The following GATAD1 variants were observed in gnomAD, a reference collection of about 807,000 sequenced individuals.
The protein encoded by GATAD1 is GATA zinc finger domain-containing protein 1.
A neutral mutation model predicts 26.5 loss-of-function variants in GATAD1; 12 were observed. That is an observed-to-expected ratio of 0.45 (90% CI 0.29 to 0.73). The LOEUF (loss-of-function observed/expected upper bound fraction) is 0.73. GATAD1 is among the 30% of genes least tolerant of loss of function. GATAD1 has a pLI of 0.10. For synonymous variants in GATAD1, 129 were observed against 133.1 expected (o/e 0.97, Z 0.21); for missense variants, 266 against 342.1 (o/e 0.78, Z 1.75).
At chr7:92,451,071 C>T (rs1024983723) in intron 3 of GATAD1, among the ~76,000 whole-genome samples, 4 of 151,956 alleles carry the variant, frequency 2.6e-5, no homozygotes, top group East Asian at 3.9e-4. Context: ...AAGACTGAGC[C>T]GTTAGTGCGA....
the GATAD1 span, among the ~76,000 whole-genome samples, chr7:92,482,835 T>TG: frequency 1.3e-5 from 2 of 151,148 alleles, no homozygotes; most frequent in African/African-American, 4.9e-5. Flanking sequence ...GGCACCAGAG[T>TG]GGGGGAGTTT....
At chr7:92,495,479 T>C in the GATAD1 span, among the ~76,000 whole-genome samples, 5 of 152,222 alleles carry the variant, frequency 3.3e-5, no homozygotes, top group Non-Finnish European at 7.3e-5. Flanking sequence ...CTTTAACTTT[T>C]CTAACTCAAT....
chr7:92,469,464 G>A, the GATAD1 span: 2 of 768,086 alleles, frequency 2.6e-6, no homozygotes, highest in South Asian at 1.4e-5. Flanking sequence ...TGACATAACT[G>A]TATAAATCTT....
At chr7:92,492,815 C>G in the GATAD1 span, 3 of 726,800 alleles carry the variant, frequency 4.1e-6, no homozygotes, top group Non-Finnish European at 7.5e-6. Context: ...ATGGAACATT[C>G]AACTAAAGGT....
intron 1 of GATAD1, among the ~76,000 whole-genome samples, chr7:92,448,319 T>C (rs1423809185): frequency 1.3e-5 from 2 of 152,230 alleles, no homozygotes; most frequent in Non-Finnish European, 2.9e-5. Context: ...GAAGTAAGAT[T>C]ATTATGTCAT....
At chr7:92,460,124 T>C (rs1427989288), downstream of GATAD1, among the ~76,000 whole-genome samples, 1 of 152,024 alleles carries the variant, frequency 6.6e-6, no homozygotes, top group African/African-American at 2.4e-5. Context: ...CCAGGCCTAA[T>C]AAGTTTTCCA....
the GATAD1 span, chr7:92,491,418 C>T: frequency 1.2e-6 from 2 of 1,613,700 alleles, no homozygotes; most frequent in Non-Finnish European, 1.7e-6. Flanking sequence ...TCTCCATCTC[C>T]AGCTGAATCG....
rs1789201000 is a variant in GATAD1 at position 92,447,558 on chromosome 7, C to T, written c.-172C>T. The T allele has an allele frequency of 2.3e-5, 19 of 839,642 alleles. No homozygotes were observed. The highest frequency in any genetic ancestry group is 2.9e-5 in the Non-Finnish European group (18 of 623,652). The allele number at this position is 839,642 out of a possible 1,614,324, so 52.0% of individuals were successfully genotyped here. A position where few individuals can be genotyped will look rare whatever the true frequency, so the allele number is the denominator to read the frequency against. On this transcript the variant is annotated 5_prime_UTR_variant, in exon 1 of 5. Transcript: ENST00000287957. ...CCTGCGGAGCCGGCGGAACCCGCTT[C>T]CCGCCTCCACGGGGCAGCGCCAGCG...
chr7:92,456,731 A>G lies in GATAD1; in HGVS notation c.*169A>G. 1.9e-6 allele frequency: 1 copy of G among 517,246 alleles called. No homozygotes were observed. The highest frequency in any genetic ancestry group is 3.4e-6 in the Non-Finnish European group (1 of 295,248). The allele number at this position is 517,246 out of a possible 1,614,324, so 32.0% of individuals were successfully genotyped here. The stretch of plus-strand genomic sequence containing the variant: ...TCTAATATTCTTAGTACCACAAGAT[A>G]TGTCATAGGTATCTTTAAATGAAAT... On this transcript the variant is annotated 3_prime_UTR_variant, in exon 5 of 5. Coordinates refer to ENST00000287957, the MANE Select transcript of GATAD1 (RefSeq NM_021167.5).
chr7:92,492,951 G>GC, the GATAD1 span: 1 of 1,609,792 alleles, frequency 6.2e-7, no homozygotes, highest in Non-Finnish European at 8.5e-7. Context: ...CATATAACTT[G>GC]CCTGGAGTCC....
the GATAD1 span, chr7:92,468,888 G>C: frequency 2.2e-5 from 17 of 764,352 alleles, no homozygotes; most frequent in East Asian, 4.1e-4. Context: ...GGGGTCTGCG[G>C]TAGATCTTAG....
At position 92,456,608 on chromosome 7, in the gene GATAD1, G is replaced by A. The variant is rs373951368; in HGVS notation, c.*46G>A. The A allele has an allele frequency of 4.1e-4, 504 of 1,242,272 alleles. No individual in the cohort carries two copies. The highest frequency in any genetic ancestry group is 2.6e-3 in the South Asian group (200 of 76,214). 77.0% of individuals were successfully genotyped at this position (1,242,272 alleles called of 1,614,324 possible). On this transcript the variant is annotated 3_prime_UTR_variant, in exon 5 of 5. Coordinates refer to ENST00000287957, the MANE Select transcript of GATAD1 (RefSeq NM_021167.5). ...TTCCAGGCCTGGTGTGGTGGCTCAC[G>A]CCTGTAGCCCCAGCTATTGCACCAC...
the GATAD1 span, chr7:92,475,210 T>C: frequency 2.0e-5 from 3 of 152,306 alleles, no homozygotes; most frequent in Admixed American, 2.0e-4. Context: ...CAGAAGAATA[T>C]AAGTCGTTTC....
chr7:92,472,003 C>A, the GATAD1 span: 1 of 152,246 alleles, frequency 6.6e-6, no homozygotes, highest in Non-Finnish European at 1.5e-5. Flanking sequence ...CTGACCACTG[C>A]ATACCCCACT....
chr7:92,487,986 C>T, the GATAD1 span, among the ~76,000 whole-genome samples: 1 of 152,162 alleles, frequency 6.6e-6, no homozygotes, highest in Non-Finnish European at 1.5e-5. Flanking sequence ...AATTCCACCT[C>T]TATCCTAGTG....
At chr7:92,483,556 G>T in the GATAD1 span, among the ~76,000 whole-genome samples, 4 of 152,234 alleles carry the variant, frequency 2.6e-5, no homozygotes, top group African/African-American at 7.2e-5. Flanking sequence ...GACCCTTCAG[G>T]GTCTAGGGCT....
At chr7:92,479,317 G>A in the GATAD1 span, among the ~76,000 whole-genome samples, 3 of 152,116 alleles carry the variant, frequency 2.0e-5, no homozygotes, top group Admixed American at 2.0e-4. Flanking sequence ...GAGATGGGGT[G>A]GGGCCATTTT....
At chr7:92,493,370 C>T in the GATAD1 span, 27 of 249,542 alleles carry the variant, frequency 1.1e-4, 1 homozygote, top group African/African-American at 4.8e-4. Flanking sequence ...CATGGTGGCT[C>T]ACGCCTGTAA....
At chr7:92,491,397 C>G in the GATAD1 span, 1 of 1,613,646 alleles carries the variant, frequency 6.2e-7, no homozygotes, top group African/African-American at 1.3e-5. Flanking sequence ...AGGGACTGAT[C>G]TAAGCCACAT....
Sources: allele counts gnomAD v4.1 joint callset (sites outside exome capture counted in the v4.1 genomes callset), GRCh38; gene constraint gnomAD v4.1.1; transcripts MANE v1.5; gene names NCBI Gene and HGNC (gene_info 2026-07-23, HGNC 2026-07-21).